Variants in TM7SF3 observed in about 807,000 individuals in gnomAD.
TM7SF3 encodes seven span transmembrane protein.
In TM7SF3, 60 loss-of-function variants were observed where a neutral mutation model predicts 65.5. That is an observed-to-expected ratio of 0.92 (90% CI 0.74 to 1.14). TM7SF3 has a LOEUF of 1.14. Ranked by LOEUF, TM7SF3 falls within the 50% of genes most tolerant of loss-of-function variation. The pLI, the probability that TM7SF3 is intolerant of heterozygous loss-of-function variation, is 0.00. For synonymous variants in TM7SF3, 264 were observed against 259.6 expected (o/e 1.02, Z -0.16); for missense variants, 623 against 684.8 (o/e 0.91, Z 1.01).
At chr12:27,008,506 AAC>A (rs1941126405) in intron 1 of TM7SF3, among the ~76,000 whole-genome samples, 2 of 152,170 alleles carry the variant, frequency 1.3e-5, no homozygotes, top group African/African-American at 2.4e-5. Context: ...CCTTTAGATT[AAC>A]AGTTTTCATT....
intron 1 of TM7SF3, among the ~76,000 whole-genome samples, chr12:27,010,213 G>A (rs952880622): frequency 6.6e-6 from 1 of 152,176 alleles, no homozygotes; most frequent in African/African-American, 2.4e-5. Flanking sequence ...AACTGCCCAA[G>A]GCTACACAAT....
intron 1 of TM7SF3, among the ~76,000 whole-genome samples, chr12:27,005,260 G>A (rs1005157020): frequency 6.6e-6 from 1 of 152,142 alleles, no homozygotes; most frequent in Non-Finnish European, 1.5e-5. Context: ...ACTGTTCACA[G>A]CATTCAACTC....
In TM7SF3 at chr12:26,979,937, C is replaced by T. The variant is rs1411818622; in HGVS notation, c.1037-1G>A. The stretch of plus-strand genomic sequence containing the variant: ...GTGACAGCTGTCAGAATCAGATTCA[C>T]TGTACAAAGAGAGAGGATGAACTGC... On this transcript the variant is annotated splice_acceptor_variant, in intron 8 of 11. Coordinates refer to ENST00000343028, the MANE Select transcript of TM7SF3 (RefSeq NM_016551.3). LOFTEE classifies it high-confidence loss of function. 3.1e-6 allele frequency: 5 copies of T among 1,614,094 alleles called. No individual in the cohort carries two copies. The highest frequency in any genetic ancestry group is 4.2e-6 in the Non-Finnish European group (5 of 1,179,990).
At chr12:26,993,027 TC>T (rs941158205) in intron 5 of TM7SF3, among the ~76,000 whole-genome samples, 2 of 148,672 alleles carry the variant, frequency 1.3e-5, no homozygotes, top group African/African-American at 2.5e-5. Flanking sequence ...CACCTCAGCC[TC>T]CTCAATATCT....
Position 27,001,927 on chromosome 12 carries a change from G to A in TM7SF3, c.246+1309C>T, listed in dbSNP as rs140714854. On this transcript the variant is annotated intron_variant, in intron 2 of 11. Coordinates refer to ENST00000343028, the MANE Select transcript of TM7SF3 (RefSeq NM_016551.3). ...AGCTGCAAAGAACTTGGGCAAATTCGACGTATGTGTGACATCGGTATCTCT... is the reference window on the plus strand; with the variant it reads ...AGCTGCAAAGAACTTGGGCAAATTCAACGTATGTGTGACATCGGTATCTCT... Among the ~76,000 whole-genome samples the A allele has an allele frequency of 1.1e-3, 164 of 152,242 alleles. 2 individuals carry two copies. The highest frequency in any genetic ancestry group is 5.8e-4 in the East Asian group (3 of 5,190).
rs374937041 is a variant in TM7SF3, at chr12:26,990,597, T to G, written c.721A>C (p.Ser241Arg). ...CCCGGGAGGGAGGAGAAGGAAACAC[T>G]TGTCTTATCATTAGCTGTTAGGGTA... The part of the protein sequence containing the change: ...VVTLTANDKT[S>R]VSFSSLPGQG... The change falls in exon 6 of 12, where the codon AGT (serine) becomes CGT (arginine). Residue 241 changes from serine (S) to arginine (R), a missense_variant. Physicochemically the swap from Ser to Arg is moderately radical, Grantham distance 110. Coordinates refer to ENST00000343028, the MANE Select transcript of TM7SF3 (RefSeq NM_016551.3). The G allele has an allele frequency of 1.9e-6, 3 of 1,613,986 alleles. No individual in the cohort carries two copies. The highest frequency in any genetic ancestry group is 3.3e-4 in the Middle Eastern group (2 of 6,060).
intron 1 of TM7SF3, 120 bp downstream of exon 1, chr12:27,013,958 C>T (rs1369027092): frequency 2.4e-6 from 2 of 829,518 alleles, no homozygotes; most frequent in African/African-American, 1.7e-5. Flanking sequence ...CACCACCCAG[C>T]GTGTACCAAC....
chr12:26,982,854 C>G lies in TM7SF3; in HGVS notation c.874G>C (p.Val292Leu). The G allele has an allele frequency of 2.5e-6, 4 of 1,595,012 alleles. No individual in the cohort carries two copies. The highest frequency in any genetic ancestry group is 3.4e-6 in the Non-Finnish European group (4 of 1,173,594). Residue 292 changes from valine (V) to leucine (L), a missense_variant, in exon 7 of 12, where the codon GTG (valine) becomes CTG (leucine). By Grantham distance (32) the Val-to-Leu change is conservative (BLOSUM62 1). Transcript: ENST00000343028. ...GEGSCASLGR[V>L]SSKVFFTLFA... ...AGAGTGAAGAACACTTTGGAAGACACTCTTCCTAAAAAATAATGAAAATTT... is the reference window on the plus strand; with the variant it reads ...AGAGTGAAGAACACTTTGGAAGACAGTCTTCCTAAAAAATAATGAAAATTT...
chr12:27,010,657 G>A (rs556294277), intron 1 of TM7SF3, among the ~76,000 whole-genome samples: 118 of 152,260 alleles, frequency 7.7e-4, no homozygotes, highest in Middle Eastern at 3.4e-3. Context: ...TGCAGAGTAG[G>A]AGGAAAAAAG....
intron 1 of TM7SF3, among the ~76,000 whole-genome samples, chr12:27,006,865 A>T (rs1030569501): frequency 2.0e-5 from 3 of 152,236 alleles, no homozygotes; most frequent in African/African-American, 7.2e-5. Context: ...CCTATTAATG[A>T]ACATCTAGGC....
chr12:27,012,299 C>T (rs117684659), intron 1 of TM7SF3, among the ~76,000 whole-genome samples: 1 of 151,968 alleles, frequency 6.6e-6, no homozygotes. Flanking sequence ...TAACACTGCA[C>T]GTGGAAAGCA....
chr12:26,973,969 A>C lies in TM7SF3; in HGVS notation c.1709T>G (p.Leu570Arg). The change falls in exon 12 of 12, where the codon CTG becomes CGG. Residue 570 changes from leucine to arginine, a missense_variant. Leu to Arg is a moderately radical substitution (Grantham distance 102). Coordinates refer to ENST00000343028, the MANE Select transcript of TM7SF3 (RefSeq NM_016551.3). ...ACTGACCAAGCCCCTGGGCATCTAC[A>C]GAAGCAAAGGCGTTCTCTCTCCAGC... The part of the protein sequence containing the change: ...QPAGERTPLL[L>R] 1 of 1,613,902 alleles carries C rather than the reference A, an allele frequency of 6.2e-7. No homozygotes were observed. Among genetic ancestry groups the C allele is most frequent in the Non-Finnish European group, 8.5e-7 (1 of 1,179,984 alleles).
intron 5 of TM7SF3, among the ~76,000 whole-genome samples, chr12:26,993,892 G>A (rs75251238): frequency 6.6e-6 from 1 of 152,144 alleles, no homozygotes; most frequent in African/African-American, 2.4e-5. Context: ...CTCCAGTGGT[G>A]GCAACTGAGG....
At chr12:27,008,860 C>A (rs1314706432) in intron 1 of TM7SF3, among the ~76,000 whole-genome samples, 1 of 152,086 alleles carries the variant, frequency 6.6e-6, no homozygotes, top group Non-Finnish European at 1.5e-5. Flanking sequence ...ACATTGAAGA[C>A]TGAGGAAGGT....
rs1247488713 is a variant in TM7SF3, at chr12:26,980,597, C to T, written c.1005G>A (p.Leu335=). ...ACTTGATAGGTGTCAGTCTTGTAAT[C>T]AGTATATAAAAGAAGAATCCCATGA... ...FIIMGFFFYI[L]ITRLTPIKYD... Residue 335 remains leucine (L), a synonymous_variant, in exon 8 of 12, where the codon CTG becomes CTA. Transcript: ENST00000343028. 1.3e-6 allele frequency: 2 copies of T among 1,567,094 alleles called. No homozygotes were observed. The highest frequency in any genetic ancestry group is 1.8e-6 in the Non-Finnish European group (2 of 1,142,650).
chr12:26,980,720 C>A, intron 7 of TM7SF3, 74 bp from the exon 8 acceptor site: 3 of 702,298 alleles, frequency 4.3e-6, no homozygotes, highest in East Asian at 2.8e-5. Flanking sequence ...TTTTACAGTG[C>A]AATTTAAATA....
Position 26,988,628 on chromosome 12 carries a change from T to C in TM7SF3, c.868+1822A>G, listed in dbSNP as rs144681192. On this transcript the variant is annotated intron_variant, in intron 6 of 11. Transcript: ENST00000343028. ...ACAGAAGTATTTAATGGCAAAAAGG[T>C]CTTTATGTCTGCAACTTACTCTCAT... 7.4e-3 allele frequency among the ~76,000 whole-genome samples: 1,120 copies of C among 151,994 alleles called. 14 individuals are homozygous for C. The highest frequency in any genetic ancestry group is 0.026 in the African/African-American group (1,064 of 41,428).
intron 6 of TM7SF3, 28 bp downstream of exon 6, chr12:26,990,422 T>G (rs190952987): frequency 6.4e-7 from 1 of 1,570,920 alleles, no homozygotes; most frequent in Non-Finnish European, 8.7e-7. Context: ...AAAGGAGAAT[T>G]TGTAAAAGTT....
rs1365215856 is a variant in TM7SF3, at chr12:26,995,167, GCTT to G, written c.690+67_690+69del. 5.5e-6 allele frequency: 8 copies of G among 1,448,580 alleles called. No homozygotes were observed. In the East Asian group the frequency reaches 1.8e-4, roughly 33 times the overall value. The allele number at this position is 1,448,580 out of a possible 1,614,324, so 89.7% of individuals were successfully genotyped here. A position where few individuals can be genotyped will look rare whatever the true frequency, so the allele number is the denominator to read the frequency against. On this transcript the variant is annotated intron_variant, in intron 5 of 11. Transcript: ENST00000343028. ...AGAGTAAAGAAATAAGATCCTGGTA[GCTT>G]CTCCCCTTCTCAACTCTGACAAAGG...
Sources: allele counts gnomAD v4.1 joint callset (sites outside exome capture counted in the v4.1 genomes callset), GRCh38; gene constraint gnomAD v4.1.1; transcripts MANE v1.5; gene names NCBI Gene and HGNC (gene_info 2026-07-23, HGNC 2026-07-21).